Variants in GAS7 observed in about 807,000 individuals in gnomAD.
GAS7 encodes growth arrest-specific protein 7.
Under a neutral mutation model 71.1 loss-of-function variants are expected in GAS7, and 28 were observed. The ratio of observed to expected loss-of-function variants is 0.39; its 90% CI spans 0.29 to 0.54. The LOEUF (loss-of-function observed/expected upper bound fraction) is 0.54, where lower values mean the gene tolerates loss of function less well. Among genes scored for constraint, GAS7 ranks in the 20% least tolerant of loss-of-function variants. The pLI, the probability that GAS7 is intolerant of heterozygous loss-of-function variation, is 0.62. For missense variants in GAS7, 436 were observed against 627.8 expected, an observed-to-expected ratio of 0.69 and a Z score of 3.27; for synonymous variants, 258 against 245.8, an observed-to-expected ratio of 1.05 and a Z score of -0.46.
chr17:10,168,564 C>T (rs999880990), intron 1 of GAS7, among the ~76,000 whole-genome samples: 4 of 152,246 alleles, frequency 2.6e-5, no homozygotes, highest in African/African-American at 9.6e-5. Context: ...CCACAAACCG[C>T]TGTAGGCCCT....
chr17:10,173,229 G>A (rs377686852), intron 1 of GAS7, among the ~76,000 whole-genome samples: 1 of 152,136 alleles, frequency 6.6e-6, no homozygotes, highest in Non-Finnish European at 1.5e-5. Context: ...GGTTACTTTC[G>A]GGATGATGAA....
At chr17:9,932,145 C>T (rs6503274) in intron 9 of GAS7, among the ~76,000 whole-genome samples, 2 of 150,244 alleles carry the variant, frequency 1.3e-5, no homozygotes, top group East Asian at 2.0e-4. Flanking sequence ...GAGGGAAGAG[C>T]GAGGAGGCCA....
At chr17:9,990,079 C>T (rs2070782829) in intron 2 of GAS7, among the ~76,000 whole-genome samples, 1 of 152,126 alleles carries the variant, frequency 6.6e-6, no homozygotes, top group Admixed American at 6.5e-5. Context: ...ACCATCCTGG[C>T]TAACACGGTG....
chr17:10,134,175 C>G (rs886463268), intron 1 of GAS7, among the ~76,000 whole-genome samples: 4 of 151,978 alleles, frequency 2.6e-5, no homozygotes, highest in African/African-American at 9.7e-5. Flanking sequence ...GGACTACAGG[C>G]ACCATCCACC....
Position 10,052,290 on chromosome 17 carries a change from A to C in GAS7, c.184-32393T>G, listed in dbSNP as rs577004721. On this transcript the variant is annotated intron_variant, in intron 1 of 13. Coordinates refer to ENST00000432992, the MANE Select transcript of GAS7 (RefSeq NM_201433.2). The stretch of plus-strand genomic sequence containing the variant: ...TCCAAAGGCAAATACTCCAGGGTTG[A>C]AGTTACAGTCGAAGCCATGACCTGC... 1.8e-4 allele frequency among the ~76,000 whole-genome samples: 27 copies of C among 152,348 alleles called. No individual in the cohort carries two copies. In the South Asian group the frequency reaches 5.6e-3, roughly 32 times the overall value.
At chr17:10,119,463 T>C (rs1170133674) in intron 1 of GAS7, among the ~76,000 whole-genome samples, 1 of 152,208 alleles carries the variant, frequency 6.6e-6, no homozygotes, top group African/African-American at 2.4e-5. Context: ...AAAGAGCATG[T>C]CTCAGGGGAT....
chr17:10,137,387 C>G (rs1260676313), intron 1 of GAS7, among the ~76,000 whole-genome samples: 1 of 152,020 alleles, frequency 6.6e-6, no homozygotes, highest in South Asian at 2.1e-4. Context: ...CCCTCTCCCC[C>G]ACTTTATTTA....
chr17:10,074,099 T>C (rs1301273297), intron 1 of GAS7, among the ~76,000 whole-genome samples: 1 of 152,200 alleles, frequency 6.6e-6, no homozygotes, highest in East Asian at 1.9e-4. Flanking sequence ...AGCAGTGTGA[T>C]GGACGTATGC....
At chr17:9,932,532 C>A (rs1341587562) in intron 9 of GAS7, among the ~76,000 whole-genome samples, 1 of 152,148 alleles carries the variant, frequency 6.6e-6, no homozygotes, top group African/African-American at 2.4e-5. Flanking sequence ...GGTAGCCCCA[C>A]CAATCATGTA....
intron 2 of GAS7, among the ~76,000 whole-genome samples, chr17:9,995,866 G>C (rs2071021739): frequency 6.6e-6 from 1 of 152,192 alleles, no homozygotes; most frequent in Admixed American, 6.5e-5. Context: ...CACCAACAGG[G>C]GACAATGATG....
intron 1 of GAS7, among the ~76,000 whole-genome samples, chr17:10,189,512 C>A (rs117638800): frequency 0.024 from 3,662 of 151,246 alleles, 70 homozygotes; most frequent in Non-Finnish European, 0.035. Flanking sequence ...ACACCCCCAA[C>A]CCCTCTCCCC....
intron 1 of GAS7, chr17:10,036,581 T>C: frequency 1.3e-6 from 2 of 1,519,914 alleles, no homozygotes; most frequent in Non-Finnish European, 1.8e-6. Flanking sequence ...GGCAAGTCGC[T>C]AGCCCAGGGC....
At chr17:10,087,023 G>C (rs367954824) in intron 1 of GAS7, among the ~76,000 whole-genome samples, 1 of 152,188 alleles carries the variant, frequency 6.6e-6, no homozygotes, top group African/African-American at 2.4e-5. Context: ...CTTGACAAAG[G>C]ACCTCTACTG....
chr17:10,061,559 G>GT (rs1202951143), intron 1 of GAS7, among the ~76,000 whole-genome samples: 1 of 152,232 alleles, frequency 6.6e-6, no homozygotes, highest in African/African-American at 2.4e-5. Flanking sequence ...GTTTTATTGA[G>GT]TTTTTTTATA....
intron 11 of GAS7, among the ~76,000 whole-genome samples, chr17:9,923,004 G>A (rs542676034): frequency 6.6e-6 from 1 of 152,174 alleles, no homozygotes; most frequent in Non-Finnish European, 1.5e-5. Flanking sequence ...TGCCTTCTGG[G>A]TTCAAGCGAT....
chr17:10,057,084 G>C (rs997164617), intron 1 of GAS7, among the ~76,000 whole-genome samples: 2 of 152,158 alleles, frequency 1.3e-5, no homozygotes, highest in African/African-American at 4.8e-5. Flanking sequence ...ACGGAGTCTC[G>C]TTCACTCAGT....
At chr17:10,129,370 A>G (rs2073978346) in intron 1 of GAS7, among the ~76,000 whole-genome samples, 1 of 152,112 alleles carries the variant, frequency 6.6e-6, no homozygotes, top group South Asian at 2.1e-4. Flanking sequence ...CACTATCTCT[A>G]TGAAAGGTTT....
rs1296844463 is a variant in GAS7 at position 10,005,050 on chromosome 17, T to TATATATATACACACAC, written c.304+14726_304+14727insGTGTGTGTATATATAT. ...CTCTCTATATATACATACATATATATACACATATATGTGTGTATGCACGCA... is the reference window on the plus strand; with the variant it reads ...CTCTCTATATATACATACATATATATATATATATACACACACACACATATATGTGTGTATGCACGCA... On this transcript the variant is annotated intron_variant, in intron 2 of 13. Transcript: ENST00000432992. Among the ~76,000 whole-genome samples, 23 of 150,146 alleles carry TATATATATACACACAC rather than the reference T, an allele frequency of 1.5e-4. No homozygotes were observed. The East Asian group carries it at 4.4e-3, about 29-fold the overall frequency.
At chr17:10,177,675 A>T (rs1480887681) in intron 1 of GAS7, among the ~76,000 whole-genome samples, 1 of 152,126 alleles carries the variant, frequency 6.6e-6, no homozygotes, top group Non-Finnish European at 1.5e-5. Context: ...TGACTGCATG[A>T]TTATCAATCA....
Sources: allele counts gnomAD v4.1 joint callset (sites outside exome capture counted in the v4.1 genomes callset), GRCh38; gene constraint gnomAD v4.1.1; transcripts MANE v1.5; gene names NCBI Gene and HGNC (gene_info 2026-07-23, HGNC 2026-07-21).